The following DOC2B variants were observed in gnomAD, a reference collection of about 807,000 sequenced individuals.
The protein encoded by DOC2B is double C2 domain beta.
A neutral mutation model predicts 28.9 loss-of-function variants in DOC2B; 21 were observed. That is an observed-to-expected ratio of 0.73 (90% CI 0.52 to 1.05). The LOEUF (loss-of-function observed/expected upper bound fraction) is 1.05, where lower values mean the gene tolerates loss of function less well. DOC2B is among the 50% of genes least tolerant of loss of function. DOC2B has a pLI of 0.00. For missense variants in DOC2B, 384 were observed against 421.1 expected (o/e 0.91, Z 0.77); for synonymous variants, 194 against 178.1 (o/e 1.09, Z -0.71).
Position 181,301 on chromosome 17 carries a change from G to T in DOC2B, c.179C>A (p.Ala60Glu). ...GCCGGCACCGGCCACAGCCGGGCGC[G>T]CGGGGGCGTCCGGGGGTGCAGCGGC... The part of the protein sequence containing the change: ...PRAAAPPDAP[A>E]RPAVAGAGRR... The change falls in exon 1 of 9, where the codon GCG (alanine) becomes GAG (glutamate). Residue 60 changes from alanine (A) to glutamate (E), a missense_variant. Ala to Glu is a moderately radical substitution (Grantham distance 107, BLOSUM62 -1). Coordinates refer to ENST00000613549, the MANE Select transcript of DOC2B (RefSeq NM_003585.5). The surrounding 1 kb of genome is among the most constrained non-coding windows in gnomAD (Gnocchi z 7.0). The T allele has an allele frequency of 8.4e-7, 1 of 1,186,234 alleles. No individual in the cohort carries two copies. The highest frequency in any genetic ancestry group is 1.0e-6 in the Non-Finnish European group (1 of 959,238). 73.5% of individuals were successfully genotyped at this position (1,186,234 alleles called of 1,614,324 possible).
Position 148,176 on chromosome 17 carries a change from T to G in DOC2B, c.1099A>C (p.Ile367Leu). The change falls in exon 8 of 9, where the codon ATT becomes CTT. Residue 367 changes from isoleucine (I) to leucine (L), a missense_variant. By Grantham distance (5) the Ile-to-Leu change is conservative. Transcript: ENST00000613549. ...TGTTCCCACTATGCCCCCTTACCAA[T>G]GAAATCGTTGGATTTTCCAATGTCG... is the stretch of plus-strand genomic sequence containing the variant. ...DYDIGKSNDFIGGVVLGIHAK... is the reference protein window; with the variant it reads ...DYDIGKSNDFLGGVVLGIHAK... 1 of 398,526 alleles carries G rather than the reference T, an allele frequency of 2.5e-6. No individual in the cohort carries two copies. The allele number at this position is 398,526 out of a possible 1,614,324, so 24.7% of individuals were successfully genotyped here.
chr17:143,998 C>T lies in DOC2B; in HGVS notation c.*3443G>A, dbSNP rs1331810430. On this transcript the variant is annotated 3_prime_UTR_variant, in exon 9 of 9. Coordinates refer to ENST00000613549, the MANE Select transcript of DOC2B (RefSeq NM_003585.5). ...GCGGACGGGCCGGGGCGCAGTTCCC[C>T]GCGCTCGCCACTAGAGGTCAGGAGG... 7.0e-6 allele frequency: 1 copy of T among 142,324 alleles called. No individual in the cohort carries two copies. The highest frequency in any genetic ancestry group is 6.9e-5 in the Admixed American group (1 of 14,392). The allele number at this position is 142,324 out of a possible 1,614,324, so 8.8% of individuals were successfully genotyped here.
At position 172,628 on chromosome 17, in the gene DOC2B, G is replaced by A; in HGVS notation, c.374-12C>T. The A allele has an allele frequency of 6.5e-7, 1 of 1,547,954 alleles. No individual in the cohort carries two copies. The highest frequency in any genetic ancestry group is 1.2e-5 in the South Asian group (1 of 83,866). On this transcript the variant is annotated splice_polypyrimidine_tract_variant and intron_variant, in intron 1 of 8. Transcript: ENST00000613549. ...CGTGCCCAGGGCAGCTGCGGACAGA[G>A]GAGGGCACAGGTCCCACCCTGGCCG... is the stretch of plus-strand genomic sequence containing the variant.
At chr17:160,065 A>G (rs1358569340) in intron 5 of DOC2B, among the ~76,000 whole-genome samples, 1 of 149,188 alleles carries the variant, frequency 6.7e-6, no homozygotes, top group Non-Finnish European at 1.5e-5. Context: ...GCTCACTGCA[A>G]CCTCCGCCTC....
chr17:174,625 G>A (rs1243445370), intron 1 of DOC2B, among the ~76,000 whole-genome samples: 1 of 152,192 alleles, frequency 6.6e-6, no homozygotes. Context: ...GGGACACGAA[G>A]CAACCCCTGC....
intron 2 of DOC2B, among the ~76,000 whole-genome samples, chr17:164,571 T>A (rs545691154): frequency 6.6e-6 from 1 of 152,266 alleles, no homozygotes; most frequent in South Asian, 2.1e-4. Flanking sequence ...CGTGGCCTCC[T>A]GAGTGGCCAT....
chr17:162,166 G>C lies in DOC2B; in HGVS notation c.553C>G (p.Leu185Val), dbSNP rs2040213058. The C allele has an allele frequency of 6.4e-7, 1 of 1,551,894 alleles. No homozygotes were observed. Among genetic ancestry groups the C allele is most frequent in the Non-Finnish European group, 8.7e-7 (1 of 1,146,992 alleles). The part of the protein sequence containing the change: ...SKANKLRTKT[L>V]RNTLNPTWNE... ...CATGTGGGGTTCAGAGTGTTACGGA[G>C]AGTTTTTGTTCTGAGCTTATTTGCC... Residue 185 changes from leucine to valine, a missense_variant, in exon 4 of 9, where the codon CTC becomes GTC. Leu to Val is a conservative substitution (Grantham distance 32). Transcript: ENST00000613549.
chr17:161,681 C>T, intron 4 of DOC2B, 140 bp from the exon 5 acceptor site: 1 of 1,413,932 alleles, frequency 7.1e-7, no homozygotes, highest in South Asian at 1.4e-5. Context: ...CACAAGATGC[C>T]TGGGCCCTGA....
intron 2 of DOC2B, among the ~76,000 whole-genome samples, chr17:164,842 A>C (rs1555523709): frequency 6.6e-6 from 1 of 152,216 alleles, no homozygotes; most frequent in Non-Finnish European, 1.5e-5. Context: ...TTGTCTCTGA[A>C]AATTGCATTT....
intron 5 of DOC2B, among the ~76,000 whole-genome samples, chr17:159,751 C>T (rs1029006724): frequency 6.6e-6 from 1 of 152,200 alleles, no homozygotes; most frequent in African/African-American, 2.4e-5. Context: ...CATCCAGCAA[C>T]GCCCTGATCA....
At chr17:175,074 A>G (rs2040354311) in intron 1 of DOC2B, among the ~76,000 whole-genome samples, 1 of 152,220 alleles carries the variant, frequency 6.6e-6, no homozygotes, top group African/African-American at 2.4e-5. Context: ...ACCCATTTCT[A>G]CAAAAAATAC....
intron 7 of DOC2B, 148 bp downstream of exon 7, chr17:148,963 T>A: frequency 1.6e-4 from 53 of 321,830 alleles, no homozygotes; most frequent in Non-Finnish European, 2.1e-4. Flanking sequence ...GTCCCCCAGC[T>A]CCCCTGTGTC....
In DOC2B at chr17:148,176, T is replaced by C. The variant is rs2040035856; in HGVS notation, c.1099A>G (p.Ile367Val). Residue 367 changes from isoleucine (I) to valine (V), a missense_variant, in exon 8 of 9, where the codon ATT (isoleucine) becomes GTT (valine). By Grantham distance (29) the Ile-to-Val change is conservative (BLOSUM62 3). Coordinates refer to ENST00000613549, the MANE Select transcript of DOC2B (RefSeq NM_003585.5). Reference sequence around the variant, plus strand: ...TGTTCCCACTATGCCCCCTTACCAATGAAATCGTTGGATTTTCCAATGTCG... The same window carrying C: ...TGTTCCCACTATGCCCCCTTACCAACGAAATCGTTGGATTTTCCAATGTCG... ...DYDIGKSNDF[I>V]GGVVLGIHAK... 1 of 398,526 alleles carries C rather than the reference T, an allele frequency of 2.5e-6. No individual in the cohort carries two copies. Among genetic ancestry groups the C allele is most frequent in the Non-Finnish European group, 4.4e-6 (1 of 226,050 alleles). The allele number at this position is 398,526 out of a possible 1,614,324, so 24.7% of individuals were successfully genotyped here. A position where few individuals can be genotyped will look rare whatever the true frequency, so the allele number is the denominator to read the frequency against.
At chr17:176,847 G>A (rs764275566) in intron 1 of DOC2B, among the ~76,000 whole-genome samples, 2 of 152,096 alleles carry the variant, frequency 1.3e-5, no homozygotes, top group South Asian at 2.1e-4. Flanking sequence ...GTTGTCACCC[G>A]CTTGTCGATA....
intron 1 of DOC2B, among the ~76,000 whole-genome samples, chr17:178,813 G>C (rs865986435): frequency 8.5e-5 from 13 of 152,360 alleles, no homozygotes; most frequent in Admixed American, 4.6e-4. Flanking sequence ...CCAATAATTA[G>C]GGCAGCAAAT....
intron 5 of DOC2B, among the ~76,000 whole-genome samples, chr17:157,615 C>G (rs568355081): frequency 1.3e-5 from 2 of 152,284 alleles, no homozygotes; most frequent in African/African-American, 4.8e-5. Flanking sequence ...TCTAATTTTT[C>G]TATTTTTTGG....
rs1231373655 is a variant in DOC2B, at chr17:180,907, C to T, written c.373+200G>A. 3.3e-5 allele frequency among the ~76,000 whole-genome samples: 5 copies of T among 151,576 alleles called. No homozygotes were observed. In the South Asian group the frequency reaches 1.0e-3, roughly 31 times the overall value. ...AACTTCCCTCCTGTCCGGCCTGGGT[C>T]GGGGGAGGGCTCGAGGCCGGTGGGC... On this transcript the variant is annotated intron_variant, in intron 1 of 8. Coordinates refer to ENST00000613549, the MANE Select transcript of DOC2B (RefSeq NM_003585.5).
chr17:151,356 T>A (rs2040070024), intron 6 of DOC2B, among the ~76,000 whole-genome samples: 1 of 152,192 alleles, frequency 6.6e-6, no homozygotes, highest in African/African-American at 2.4e-5. Flanking sequence ...ACCAGATGTT[T>A]TGAATTTTGG....
intron 1 of DOC2B, among the ~76,000 whole-genome samples, chr17:176,713 CAGG>C (rs2151476825): frequency 6.6e-6 from 1 of 152,320 alleles, no homozygotes; most frequent in East Asian, 1.9e-4. Context: ...GCCCTAAGGG[CAGG>C]AGAAGGTGCT....
Sources: allele counts gnomAD v4.1 joint callset (sites outside exome capture counted in the v4.1 genomes callset), GRCh38; gene constraint gnomAD v4.1.1; non-coding constraint Gnocchi (gnomAD v3.1); transcripts MANE v1.5; gene names NCBI Gene and HGNC (gene_info 2026-07-23, HGNC 2026-07-21).